LRRC43: variants seen among roughly 807,000 people sequenced by gnomAD.
LRRC43 encodes leucine rich repeat containing 43, also known as leucine-rich repeat-containing protein 43.
Under a neutral mutation model 64.3 loss-of-function variants are expected in LRRC43, and 62 were observed. That is an observed-to-expected ratio of 0.96 (90% CI 0.79 to 1.19). The LOEUF is 1.19. Among genes scored for constraint, LRRC43 ranks in the 50% most tolerant of loss-of-function variants. The pLI, the probability that LRRC43 is intolerant of heterozygous loss-of-function variation, is 0.00. For missense variants in LRRC43, 868 were observed against 845.0 expected (o/e 1.03, Z -0.34); for synonymous variants, 422 against 382.3 (o/e 1.10, Z -1.21).
In LRRC43 at chr12:122,190,210, G is replaced by A. The variant is rs372790097; in HGVS notation, c.743G>A (p.Arg248Gln). The A allele has an allele frequency of 6.9e-5, 112 of 1,614,064 alleles. No individual in the cohort carries two copies. The highest frequency in any genetic ancestry group is 4.0e-4 in the South Asian group (36 of 91,064). The change falls in exon 5 of 12, where the codon CGG (arginine) becomes CAG (glutamine). Residue 248 changes from arginine to glutamine, a missense_variant. Arg to Gln is a conservative substitution (Grantham distance 43, BLOSUM62 1). Coordinates refer to ENST00000339777, the MANE Select transcript of LRRC43 (RefSeq NM_001098519.2). ...QSMVTSLRTL[R>Q]HLRLLVLQGN... is the part of the protein sequence containing the mutation. Reference sequence around the variant, plus strand: ...ATGGTCACCAGCCTGAGGACCCTCCGGCACCTGCGACTCCTGGTGCTGCAG... The same window carrying A: ...ATGGTCACCAGCCTGAGGACCCTCCAGCACCTGCGACTCCTGGTGCTGCAG...
chr12:122,176,738 T>A (rs1367577713), intron 1 of LRRC43, among the ~76,000 whole-genome samples: 1 of 151,842 alleles, frequency 6.6e-6, no homozygotes, highest in East Asian at 1.9e-4. Context: ...CACTGCAACC[T>A]CCACCTCCCC....
chr12:122,190,491 T>C, intron 5 of LRRC43, 123 bp downstream of exon 5: 1 of 706,614 alleles, frequency 1.4e-6, no homozygotes, highest in Admixed American at 2.4e-5. Flanking sequence ...ACCCAGACCC[T>C]ATTCAGGTAT....
At chr12:122,182,958 C>G, upstream of LRRC43, 1 of 943,226 alleles carries the variant, frequency 1.1e-6, no homozygotes, top group East Asian at 3.2e-5. Context: ...CGGGAGCTGC[C>G]GCACTTAGAA....
chr12:122,174,944 A>C (rs1953524329), intron 1 of LRRC43, among the ~76,000 whole-genome samples: 1 of 149,610 alleles, frequency 6.7e-6, no homozygotes, highest in Non-Finnish European at 1.5e-5. Context: ...AGCAATTCTC[A>C]TGCCTCAGTC....
Position 122,190,307 on chromosome 12 carries a change from G to A in LRRC43, c.840G>A (p.Leu280=). 1 of 1,614,166 alleles carries A rather than the reference G, an allele frequency of 6.2e-7. No individual in the cohort carries two copies. The highest frequency in any genetic ancestry group is 8.5e-7 in the Non-Finnish European group (1 of 1,180,032). The change falls in exon 5 of 12, where the codon CTG becomes CTA. Residue 280 remains leucine (L), a synonymous_variant. Coordinates refer to ENST00000339777, the MANE Select transcript of LRRC43 (RefSeq NM_001098519.2). ...ACAGCCTGGCCCAGCTCTGCGTGCT[G>A]GACGACATCACCGTGTCTCCCAATG... ...TIDSLAQLCV[L]DDITVSPNEK... is the part of the protein sequence containing the mutation.
In LRRC43 at chr12:122,203,414, A is replaced by G. The variant is rs759751728; in HGVS notation, c.1943A>G (p.Glu648Gly). The G allele has an allele frequency of 5.0e-6, 8 of 1,611,728 alleles. No individual in the cohort carries two copies. Among genetic ancestry groups the G allele is most frequent in the South Asian group, 1.1e-5 (1 of 90,880 alleles). The part of the protein sequence containing the change: ...QIQLNQCRSA[E>G]EALRMFAV ...CAGCTGAACCAGTGCCGCTCGGCGG[A>G]GGAGGCTCTGCGCATGTTCGCCGTG... is the stretch of plus-strand genomic sequence containing the variant. The change falls in exon 12 of 12, where the codon GAG (glutamate) becomes GGG (glycine). Residue 648 changes from glutamate (E) to glycine (G), a missense_variant. Glu to Gly is a moderately conservative substitution (Grantham distance 98, BLOSUM62 -2). Transcript: ENST00000339777.
chr12:122,174,302 C>G, intron 1 of LRRC43: 1 of 1,040,392 alleles, frequency 9.6e-7, no homozygotes, highest in Non-Finnish European at 1.5e-6. Context: ...ATGGCAAAAC[C>G]ATTTACTCAG....
At chr12:122,195,433 G>A (rs761252815) in intron 7 of LRRC43, among the ~76,000 whole-genome samples, 3 of 151,940 alleles carry the variant, frequency 2.0e-5, no homozygotes, top group African/African-American at 4.8e-5. Context: ...TTGAGGCGGG[G>A]TTTCACAGTG....
At chr12:122,203,156 C>A (rs947000576) in intron 11 of LRRC43, among the ~76,000 whole-genome samples, 159 bp from the exon 12 acceptor site, 1 of 152,184 alleles carries the variant, frequency 6.6e-6, no homozygotes, top group African/African-American at 2.4e-5. Context: ...TAATTAAATA[C>A]AATTTAATTT....
chr12:122,186,426 G>A, intron 3 of LRRC43, 126 bp downstream of exon 3: 1 of 628,420 alleles, frequency 1.6e-6, no homozygotes, highest in East Asian at 2.8e-5. Context: ...CTTTTAAAAT[G>A]TAGGTCACTT....
rs146960575 is a variant in LRRC43, at chr12:122,186,106, C to T, written c.412-84C>T. The T allele has an allele frequency of 1.7e-3, 1,272 of 749,378 alleles. 11 individuals are homozygous for T. In the African/African-American group the frequency reaches 0.02, roughly 11 times the overall value. 46.4% of individuals were successfully genotyped at this position (749,378 alleles called of 1,614,324 possible). ...GGGGAAGTAACTCTGATGGAGGAGC[C>T]GCTGTCTTCCTAATGTGGACATGGG... On this transcript the variant is annotated intron_variant, in intron 2 of 11. Transcript: ENST00000339777.
In LRRC43 at chr12:122,191,294, G is replaced by A. The variant is rs918506889; in HGVS notation, c.902-86G>A. 16 of 1,153,236 alleles carry A rather than the reference G, an allele frequency of 1.4e-5. No individual in the cohort carries two copies. In the African/African-American group the frequency reaches 2.3e-4, roughly 17 times the overall value. 71.4% of individuals were successfully genotyped at this position (1,153,236 alleles called of 1,614,324 possible). A position where few individuals can be genotyped will look rare whatever the true frequency, so the allele number is the denominator to read the frequency against. ...GCCCTGAGTGCTGGAGAGAATCTAG[G>A]GACCCGTGCCTTCCCAGCCCTCTTG... On this transcript the variant is annotated intron_variant, in intron 5 of 11. Transcript: ENST00000339777.
intron 1 of LRRC43, among the ~76,000 whole-genome samples, chr12:122,171,296 C>CTCACTTGCTCAG (rs1381112769): frequency 6.6e-6 from 1 of 152,236 alleles, no homozygotes. Context: ...AAGTGACTGA[C>CTCACTTGCTCAG]TGACTTCCTG....
chr12:122,199,876 G>C (rs750723578), intron 7 of LRRC43, among the ~76,000 whole-genome samples: 1 of 152,308 alleles, frequency 6.6e-6, no homozygotes, highest in South Asian at 2.1e-4. Flanking sequence ...GAGCCACCAC[G>C]CTCAGCCCTT....
upstream of LRRC43, among the ~76,000 whole-genome samples, chr12:122,180,385 G>T (rs1953572073): frequency 1.3e-5 from 2 of 152,074 alleles, 1 homozygote; most frequent in Admixed American, 1.3e-4. Context: ...TGGGCATGGT[G>T]GCGGGAGCCT....
chr12:122,174,471 G>A (rs1340537073), intron 1 of LRRC43, among the ~76,000 whole-genome samples: 2 of 152,184 alleles, frequency 1.3e-5, no homozygotes, highest in Non-Finnish European at 2.9e-5. Flanking sequence ...ATTCTTCTTG[G>A]AAGGAGCCTG....
intron 3 of LRRC43, among the ~76,000 whole-genome samples, chr12:122,186,808 G>A (rs4758678): frequency 0.8 from 122,065 of 152,056 alleles, 49,128 homozygotes; most frequent in East Asian, 0.92. Flanking sequence ...AGTCCCAGCT[G>A]CTTGGGAGGC....
upstream of LRRC43, chr12:122,183,105 G>T: frequency 1.3e-6 from 2 of 1,517,700 alleles, no homozygotes; most frequent in Non-Finnish European, 1.8e-6. Context: ...CTGCCCCCGC[G>T]CACGCGTCCT....
intron 1 of LRRC43, among the ~76,000 whole-genome samples, chr12:122,169,573 G>A (rs912321049): frequency 3.0e-4 from 45 of 151,790 alleles, no homozygotes; most frequent in African/African-American, 7.8e-4. Flanking sequence ...AAAATTAGCC[G>A]GGCGTGGTGG....
Sources: allele counts gnomAD v4.1 joint callset (sites outside exome capture counted in the v4.1 genomes callset), GRCh38; gene constraint gnomAD v4.1.1; transcripts MANE v1.5; gene names NCBI Gene and HGNC (gene_info 2026-07-23, HGNC 2026-07-21).